The following EBF1 variants were observed in gnomAD, a reference collection of about 807,000 sequenced individuals.
EBF1 encodes the protein EBF transcription factor 1.
In EBF1, 10 loss-of-function variants were observed where a neutral mutation model predicts 68.4. The observed-to-expected ratio is 0.15, with a 90% CI of 0.09 to 0.25. EBF1 has a LOEUF of 0.25. Among genes scored for constraint, EBF1 ranks in the 10% least tolerant of loss-of-function variants. EBF1 has a pLI of 1.00. For synonymous variants in EBF1, 298 were observed against 299.8 expected, an observed-to-expected ratio of 0.99 and a Z score of 0.06; for missense variants, 509 against 794.4, an observed-to-expected ratio of 0.64 and a Z score of 4.32.
chr5:158,937,807 A>G (rs1306092545), intron 6 of EBF1, among the ~76,000 whole-genome samples: 1 of 152,226 alleles, frequency 6.6e-6, no homozygotes, highest in Non-Finnish European at 1.5e-5. Flanking sequence ...ACGGCTCCAC[A>G]CTTCAATGAC....
intron 6 of EBF1, among the ~76,000 whole-genome samples, chr5:159,026,312 G>A (rs776277000): frequency 2.6e-5 from 4 of 151,960 alleles, no homozygotes; most frequent in Non-Finnish European, 4.4e-5. Flanking sequence ...TGGACTTAGG[G>A]AAGAAAAATT....
At chr5:158,739,623 G>C (rs1295788201) in intron 10 of EBF1, among the ~76,000 whole-genome samples, 1 of 152,114 alleles carries the variant, frequency 6.6e-6, no homozygotes, top group Admixed American at 6.5e-5. Context: ...CTTTGTAATG[G>C]ATGATGGCGT....
chr5:159,017,388 G>T (rs989031215), intron 6 of EBF1, among the ~76,000 whole-genome samples: 2 of 152,090 alleles, frequency 1.3e-5, no homozygotes, highest in South Asian at 4.1e-4. Flanking sequence ...GATAACCCTG[G>T]GTTCAAATTC....
intron 6 of EBF1, among the ~76,000 whole-genome samples, chr5:159,040,388 C>T (rs1561861474): frequency 1.3e-5 from 2 of 152,202 alleles, no homozygotes; most frequent in African/African-American, 2.4e-5. Context: ...ATCCAGATTA[C>T]AAGCGACTCA....
At chr5:158,914,236 T>C (rs923264920) in intron 6 of EBF1, among the ~76,000 whole-genome samples, 5 of 152,186 alleles carry the variant, frequency 3.3e-5, no homozygotes, top group African/African-American at 1.2e-4. Context: ...TAAATATACC[T>C]TCCTGTTACC....
chr5:158,867,003 T>G (rs1383539271), intron 6 of EBF1, among the ~76,000 whole-genome samples: 1 of 151,584 alleles, frequency 6.6e-6, no homozygotes, highest in Non-Finnish European at 1.5e-5. Context: ...GATGCATAAT[T>G]TTTCACAAAG....
chr5:158,993,418 C>G (rs993625585), intron 6 of EBF1, among the ~76,000 whole-genome samples: 6 of 152,092 alleles, frequency 3.9e-5, no homozygotes, highest in African/African-American at 1.4e-4. Context: ...TCTGGCACAA[C>G]TACTGAATCG....
At chr5:158,940,715 G>T (rs1218328566) in intron 6 of EBF1, among the ~76,000 whole-genome samples, 2 of 128,184 alleles carry the variant, frequency 1.6e-5, no homozygotes, top group African/African-American at 5.6e-5. Flanking sequence ...GATAAAACAG[G>T]CTCTTTCCAC....
At position 159,021,414 on chromosome 5, in the gene EBF1, C is replaced by T. The variant is rs190401005; in HGVS notation, c.554+51982G>A. Reference sequence around the variant, plus strand: ...AACAGAATTCTCATTGGCATTCTAACACTAATGCCCTAAATTCTGCCAAGT... The same window carrying T: ...AACAGAATTCTCATTGGCATTCTAATACTAATGCCCTAAATTCTGCCAAGT... On this transcript the variant is annotated intron_variant, in intron 6 of 15. Coordinates refer to ENST00000313708, the MANE Select transcript of EBF1 (RefSeq NM_024007.5). Among the ~76,000 whole-genome samples the T allele has an allele frequency of 3.3e-5, 5 of 152,316 alleles. No individual in the cohort carries two copies. In the East Asian group the frequency reaches 7.7e-4, roughly 23 times the overall value.
chr5:158,846,688 T>C (rs746468049), intron 6 of EBF1, among the ~76,000 whole-genome samples: 14 of 152,342 alleles, frequency 9.2e-5, no homozygotes, highest in Middle Eastern at 3.4e-3. Context: ...GAAGTAGTTG[T>C]AGAGTACAGT....
intron 6 of EBF1, among the ~76,000 whole-genome samples, chr5:158,959,715 G>C (rs2127530640): frequency 6.6e-6 from 1 of 152,156 alleles, no homozygotes; most frequent in South Asian, 2.1e-4. Context: ...ATTTAGTAGA[G>C]ATGTCAACTT....
intron 6 of EBF1, among the ~76,000 whole-genome samples, chr5:158,859,753 G>A (rs1479314331): frequency 2.0e-5 from 3 of 152,276 alleles, no homozygotes; most frequent in South Asian, 4.2e-4. Flanking sequence ...AGGTAATCGA[G>A]CCCACTCCTC....
chr5:158,839,902 G>A (rs1460077663), intron 7 of EBF1, 127 bp downstream of exon 7: 1 of 812,840 alleles, frequency 1.2e-6, no homozygotes. Flanking sequence ...GATACCTGGG[G>A]GACCAAGGGC....
At chr5:158,801,665 A>AT (rs1298195398) in intron 8 of EBF1, among the ~76,000 whole-genome samples, 6 of 150,856 alleles carry the variant, frequency 4.0e-5, no homozygotes, top group African/African-American at 1.2e-4. Flanking sequence ...AGAGGGAAGA[A>AT]TTAAAAAAAA....
chr5:158,749,315 TGAA>T (rs1264522744), intron 10 of EBF1, among the ~76,000 whole-genome samples: 2 of 152,128 alleles, frequency 1.3e-5, no homozygotes, highest in Admixed American at 1.3e-4. Context: ...CTGGAAACCA[TGAA>T]GAAGATCCAC....
chr5:158,959,741 C>T (rs893393508), intron 6 of EBF1, among the ~76,000 whole-genome samples: 2 of 152,072 alleles, frequency 1.3e-5, no homozygotes, highest in African/African-American at 4.8e-5. Context: ...GTCTTTAATA[C>T]ATTACTCAAC....
intron 6 of EBF1, among the ~76,000 whole-genome samples, chr5:159,009,586 G>C (rs1368400802): frequency 6.6e-6 from 1 of 152,018 alleles, no homozygotes; most frequent in African/African-American, 2.4e-5. Context: ...TGTTATCCAG[G>C]AGATAACTAT....
intron 6 of EBF1, among the ~76,000 whole-genome samples, chr5:159,002,281 C>T (rs962428463): frequency 6.6e-6 from 1 of 151,860 alleles, no homozygotes; most frequent in African/African-American, 2.4e-5. Flanking sequence ...AAACATAAAG[C>T]TCTTTCCACT....
At chr5:158,988,164 A>G (rs1456392812) in intron 6 of EBF1, among the ~76,000 whole-genome samples, 1 of 152,226 alleles carries the variant, frequency 6.6e-6, no homozygotes, top group South Asian at 2.1e-4. Context: ...GGAAGAAACT[A>G]TGAGCCAGCC....
Sources: allele counts gnomAD v4.1 joint callset (sites outside exome capture counted in the v4.1 genomes callset), GRCh38; gene constraint gnomAD v4.1.1; transcripts MANE v1.5; gene names NCBI Gene and HGNC (gene_info 2026-07-23, HGNC 2026-07-21).